FAM53A: variants seen among roughly 807,000 people sequenced by gnomAD.
FAM53A encodes protein FAM53A.
A neutral mutation model predicts 26.6 loss-of-function variants in FAM53A; 28 were observed. That is an observed-to-expected ratio of 1.05 (90% CI 0.78 to 1.45). The LOEUF (loss-of-function observed/expected upper bound fraction) is 1.45, where lower values mean the gene tolerates loss of function less well. Ranked by LOEUF, FAM53A falls within the 40% of genes most tolerant of loss-of-function variation. The probability of loss-of-function intolerance (pLI) is 0.00; values close to 1 mark genes in which losing one functional copy is unlikely to be tolerated. For synonymous variants in FAM53A, 290 were observed against 253.1 expected, an observed-to-expected ratio of 1.15 and a Z score of -1.38; for missense variants, 650 against 575.8, an observed-to-expected ratio of 1.13 and a Z score of -1.32.
At chr4:1,683,230 C>T (rs1715579816) in intron 1 of FAM53A, among the ~76,000 whole-genome samples, 1 of 152,174 alleles carries the variant, frequency 6.6e-6, no homozygotes, top group African/African-American at 2.4e-5. Flanking sequence ...TATTGAAGAG[C>T]TTCAAATAAA....
At chr4:1,577,067 C>T in the FAM53A span, among the ~76,000 whole-genome samples, 5 of 151,744 alleles carry the variant, frequency 3.3e-5, no homozygotes, top group East Asian at 1.9e-4. Flanking sequence ...GGCAACTGAG[C>T]GGGTACGGTG....
the FAM53A span, among the ~76,000 whole-genome samples, chr4:1,599,447 G>A: frequency 6.6e-6 from 1 of 152,228 alleles, no homozygotes; most frequent in African/African-American, 2.4e-5. The surrounding 1 kb of genome is among the most constrained non-coding windows in gnomAD (Gnocchi z 6.1). Flanking sequence ...AAGGCACAGA[G>A]GCCAAATGAG....
In FAM53A at chr4:1,621,101, C is replaced by CTTT. The variant is rs574102929; in HGVS notation, c.432-2993_432-2991dup. ...TTTCCTAGCTGAGTCAGCTACGCTA[C>CTTT]TTTTTTTTTTTTTTTTTTTTTGAGA... is the stretch of plus-strand genomic sequence containing the variant. On this transcript the variant is annotated intron_variant, in intron 1 of 1. Coordinates refer to the FAM53A transcript ENST00000489029. Among the ~76,000 whole-genome samples, 91 of 95,518 alleles carry CTTT rather than the reference C, an allele frequency of 9.5e-4. 6 individuals carry two copies. In the Middle Eastern group the frequency reaches 0.021, roughly 22 times the overall value. 62.7% of individuals were successfully genotyped at this position (95,518 alleles called of 152,430 possible).
Position 1,657,398 on chromosome 4 carries a change from A to G in FAM53A, c.136+10T>C. ...CTCAGGCCTCCGGCCACAGCTCCTA[A>G]AGTGCTCACCGTTGAGCTCCAAAGG... On this transcript the variant is annotated intron_variant, in intron 3 of 4. Transcript: ENST00000308132. 6.2e-7 allele frequency: 1 copy of G among 1,612,504 alleles called. No individual in the cohort carries two copies. Among genetic ancestry groups the G allele is most frequent in the Non-Finnish European group, 8.5e-7 (1 of 1,179,286 alleles).
At position 1,659,225 on chromosome 4, in the gene FAM53A, C is replaced by CGGGCCCG. The variant is rs1713645546; in HGVS notation, c.76-1758_76-1757insCGGGCCC. On this transcript the variant is annotated intron_variant, in intron 2 of 4. Transcript: ENST00000308132. The surrounding 1 kb of genome is among the most constrained non-coding windows in gnomAD (Gnocchi z 5.2). ...GGAACCACACGACCTCCAGGTTCTC[C>CGGGCCCG]CACCCCGGGACCCGGGTCCGATGGA... 6.6e-6 allele frequency among the ~76,000 whole-genome samples: 1 copy of CGGGCCCG among 152,170 alleles called. No individual in the cohort carries two copies. Among genetic ancestry groups the CGGGCCCG allele is most frequent in the Non-Finnish European group, 1.5e-5 (1 of 68,022 alleles).
intron 3 of FAM53A, 127 bp from the exon 4 acceptor site, chr4:1,655,850 T>G (rs1713333874): frequency 8.5e-7 from 1 of 1,179,416 alleles, no homozygotes; most frequent in Admixed American, 3.3e-5. Flanking sequence ...CCCCTGGGCG[T>G]GCTTCTCCAA....
intron 1 of FAM53A, among the ~76,000 whole-genome samples, chr4:1,682,259 A>G (rs955939460): frequency 7.1e-6 from 1 of 140,148 alleles, no homozygotes; most frequent in Non-Finnish European, 1.5e-5. Context: ...AAAATTTTTA[A>G]TTTCCTTTTT....
intron 4 of FAM53A, among the ~76,000 whole-genome samples, chr4:1,652,771 C>A (rs186907180): frequency 0.034 from 4,942 of 146,326 alleles, 125 homozygotes; most frequent in Middle Eastern, 0.057. Context: ...AGACTACACA[C>A]CACACAGCAC....
chr4:1,629,652 A>G (rs1290913577), intron 1 of FAM53A, among the ~76,000 whole-genome samples: 1 of 152,232 alleles, frequency 6.6e-6, no homozygotes, highest in Non-Finnish European at 1.5e-5. Flanking sequence ...GCCCAGCTTC[A>G]GTGAAGAGTA....
chr4:1,623,686 G>A (rs540831631), intron 1 of FAM53A, among the ~76,000 whole-genome samples: 7 of 152,360 alleles, frequency 4.6e-5, no homozygotes, highest in South Asian at 2.1e-4. Context: ...CCCGGGAGCC[G>A]CGCGATGCCA....
intron 1 of FAM53A, among the ~76,000 whole-genome samples, chr4:1,682,098 A>C (rs1396885734): frequency 1.3e-5 from 2 of 152,274 alleles, no homozygotes; most frequent in Admixed American, 6.5e-5. Context: ...GGCTCCAAGG[A>C]ATCAGATTAA....
At chr4:1,621,005 G>A (rs908535806) in intron 1 of FAM53A, among the ~76,000 whole-genome samples, 1 of 151,630 alleles carries the variant, frequency 6.6e-6, no homozygotes, top group African/African-American at 2.4e-5. Context: ...TCAAATGGCT[G>A]CCAGAGCCCC....
the FAM53A span, among the ~76,000 whole-genome samples, chr4:1,605,229 G>A: frequency 2.6e-5 from 4 of 152,278 alleles, no homozygotes; most frequent in African/African-American, 9.6e-5. The surrounding 1 kb of genome is among the most constrained non-coding windows in gnomAD (Gnocchi z 5.7). Flanking sequence ...CCACAACGTC[G>A]GAGGCATTGG....
At position 1,655,446 on chromosome 4, in the gene FAM53A, G is replaced by A. The variant is rs771780715; in HGVS notation, c.414C>T (p.Arg138=). 4.6e-6 allele frequency: 7 copies of A among 1,532,778 alleles called. No homozygotes were observed. The African/African-American group carries it at 5.6e-5, about 12-fold the overall frequency. 94.9% of individuals were successfully genotyped at this position (1,532,778 alleles called of 1,614,324 possible). ...GAGTCCAGACCTTGGAGCTGCCGGG[G>A]CGCCAGGGGGACCGGCAGCGCACAA... The part of the protein sequence containing the change: ...EELVRCRSPW[R]PGSSKVWTPV... Residue 138 remains arginine (R), a synonymous_variant, in exon 4 of 5, where the codon CGC becomes CGT. Transcript: ENST00000308132.
chr4:1,615,655 C>T (rs1474811322), downstream of FAM53A, among the ~76,000 whole-genome samples: 8 of 151,820 alleles, frequency 5.3e-5, no homozygotes, highest in South Asian at 2.1e-4. Context: ...GATGCAGCCA[C>T]GCCCATCCCA....
intron 1 of FAM53A, among the ~76,000 whole-genome samples, chr4:1,672,024 C>CACCTAGGAACCCATGAACCCAGAT (rs1553811825): frequency 7.3e-5 from 11 of 149,804 alleles, no homozygotes; most frequent in African/African-American, 2.7e-4. Context: ...TGAACACAGG[C>CACCTAGGAACCCATGAACCCAGAT]ACCCAGGAAC....
At chr4:1,629,327 G>A (rs921348971) in intron 1 of FAM53A, among the ~76,000 whole-genome samples, 1 of 152,198 alleles carries the variant, frequency 6.6e-6, no homozygotes, top group Non-Finnish European at 1.5e-5. Flanking sequence ...GGCCTCCAGG[G>A]GAAGTGCGGG....
chr4:1,669,735 A>G (rs184383299), intron 1 of FAM53A, among the ~76,000 whole-genome samples: 179 of 152,370 alleles, frequency 1.2e-3, no homozygotes, highest in African/African-American at 4.2e-3. Context: ...GTGCTAGGTG[A>G]GAGGGCAAGG....
intron 1 of FAM53A, among the ~76,000 whole-genome samples, chr4:1,626,552 C>CA (rs1715313363): frequency 6.7e-6 from 1 of 149,402 alleles, no homozygotes; most frequent in Non-Finnish European, 1.5e-5. Context: ...ATGCCCTGAG[C>CA]CCGGGGGGAC....
Sources: gnomAD v4.1 joint callset for allele counts (sites outside exome capture counted in the v4.1 genomes callset) on GRCh38, gnomAD v4.1.1 for gene constraint, Gnocchi (gnomAD v3.1) non-coding constraint, MANE v1.5 for transcripts, NCBI Gene and HGNC (gene_info 2026-07-23, HGNC 2026-07-21) for gene names.